Variants in LIMA1 observed in about 807,000 individuals in gnomAD.
LIMA1 encodes LIM domain and actin-binding protein 1.
LIMA1 carries 52 observed loss-of-function variants against 62.6 expected under a neutral mutation model. The observed-to-expected ratio is 0.83, with a 90% CI of 0.67 to 1.05. The LOEUF (loss-of-function observed/expected upper bound fraction) is 1.05, where lower values mean the gene tolerates loss of function less well. LIMA1 is among the 50% of genes least tolerant of loss of function. The pLI is 0.00. For synonymous variants in LIMA1, 302 were observed against 317.8 expected (o/e 0.95, Z 0.53); for missense variants, 780 against 902.2 (o/e 0.86, Z 1.74).
At chr12:50,226,074 T>C (rs1941523549) in intron 3 of LIMA1, among the ~76,000 whole-genome samples, 1 of 152,152 alleles carries the variant, frequency 6.6e-6, no homozygotes. Flanking sequence ...TGAGACAGGT[T>C]CTTGCTCTAT....
At chr12:50,203,792 T>C (rs917526074) in intron 6 of LIMA1, among the ~76,000 whole-genome samples, 4 of 152,200 alleles carry the variant, frequency 2.6e-5, no homozygotes, top group African/African-American at 9.6e-5. Flanking sequence ...ATTCTACTTC[T>C]TTAGGAAAAC....
rs73106172 is a variant in LIMA1, at chr12:50,223,468, G to A, written c.166-983C>T. Among the ~76,000 whole-genome samples the A allele has an allele frequency of 2.1e-4, 31 of 147,870 alleles. 1 individual carries two copies. Among genetic ancestry groups the A allele is most frequent in the Non-Finnish European group, 2.4e-4 (16 of 67,374 alleles). ...ACTACACTCCAGCCTGGGTGACAAAGTGAGACGCCATCCCCCAACCAAAAA... is the reference window on the plus strand; with the variant it reads ...ACTACACTCCAGCCTGGGTGACAAAATGAGACGCCATCCCCCAACCAAAAA... On this transcript the variant is annotated intron_variant, in intron 3 of 10. Transcript: ENST00000341247.
intron 7 of LIMA1, among the ~76,000 whole-genome samples, chr12:50,199,966 C>G (rs1941009594): frequency 6.6e-6 from 1 of 151,766 alleles, no homozygotes; most frequent in Non-Finnish European, 1.5e-5. Context: ...TGACCTCAGC[C>G]CACTGCAACA....
At chr12:50,246,018 G>A (rs1941843806) in intron 2 of LIMA1, among the ~76,000 whole-genome samples, 1 of 152,018 alleles carries the variant, frequency 6.6e-6, no homozygotes, top group African/African-American at 2.4e-5. Context: ...CAGATCATGA[G>A]GTCAGGAGTT....
chr12:50,222,733 A>G, intron 3 of LIMA1: 3 of 1,345,650 alleles, frequency 2.2e-6, no homozygotes, highest in Non-Finnish European at 1.9e-6. Flanking sequence ...CCTTATAAGG[A>G]CAAAATGAGA....
chr12:50,251,413 G>T lies in LIMA1; in HGVS notation c.-23-2639C>A, dbSNP rs527628837. On this transcript the variant is annotated intron_variant, in intron 1 of 10. Coordinates refer to ENST00000341247, the MANE Select transcript of LIMA1 (RefSeq NM_016357.5). The stretch of plus-strand genomic sequence containing the variant: ...AGGCAGGCAGATCACTTGAGGTCAG[G>T]TGTCCAAGACCAGCCTGACCAACAT... Among the ~76,000 whole-genome samples, 5 of 152,188 alleles carry T rather than the reference G, an allele frequency of 3.3e-5. 2 individuals carry two copies. In the South Asian group the frequency reaches 1.0e-3, roughly 32 times the overall value.
rs1941129232 is a variant in LIMA1 at position 50,205,226 on chromosome 12, C to A, written c.716-526G>T. On this transcript the variant is annotated intron_variant, in intron 5 of 10. Coordinates refer to ENST00000341247, the MANE Select transcript of LIMA1 (RefSeq NM_016357.5). ...CCAAGTAGCAGTGACTTCAAGGATGCACCACCACGCTGGGCTTTTTTTTTT... is the reference window on the plus strand; with the variant it reads ...CCAAGTAGCAGTGACTTCAAGGATGAACCACCACGCTGGGCTTTTTTTTTT... Among the ~76,000 whole-genome samples the A allele has an allele frequency of 1.4e-5, 2 of 138,800 alleles. 1 individual carries two copies. The highest frequency in any genetic ancestry group is 4.9e-4 in the South Asian group (2 of 4,062). 91.1% of individuals were successfully genotyped at this position (138,800 alleles called of 152,430 possible). A position where few individuals can be genotyped will look rare whatever the true frequency, so the allele number is the denominator to read the frequency against.
At chr12:50,201,476 C>A in intron 6 of LIMA1, 1 of 981,840 alleles carries the variant, frequency 1.0e-6, no homozygotes, top group South Asian at 4.7e-5. Flanking sequence ...TATTTTACTT[C>A]TCAAAACAGA....
chr12:50,258,209 T>C (rs1447242575), intron 1 of LIMA1, among the ~76,000 whole-genome samples: 3 of 152,186 alleles, frequency 2.0e-5, no homozygotes, highest in African/African-American at 7.2e-5. Context: ...TTATGCTCAT[T>C]GCCACTGAGA....
rs774691948 is a variant in LIMA1 at position 50,206,004 on chromosome 12, T to C, written c.695A>G (p.Asp232Gly). The change falls in exon 5 of 11, where the codon GAT becomes GGT. Residue 232 changes from aspartate to glycine, a missense_variant. Asp to Gly is a moderately conservative substitution (Grantham distance 94). Coordinates refer to ENST00000341247, the MANE Select transcript of LIMA1 (RefSeq NM_016357.5). ...RKISENSYSLDDLEIGPGQLS... is the reference protein window; with the variant it reads ...RKISENSYSLGDLEIGPGQLS... ...CTTACCTGGGCCTATTTCCAGGTCA[T>C]CTAGAGAATAGCTGTTTTCAGAGAT... 2 of 1,612,310 alleles carry C rather than the reference T, an allele frequency of 1.2e-6. No individual in the cohort carries two copies. Among genetic ancestry groups the C allele is most frequent in the South Asian group, 1.1e-5 (1 of 90,888 alleles).
chr12:50,193,507 G>GTATA (rs1253335896), intron 8 of LIMA1, among the ~76,000 whole-genome samples: 1 of 119,376 alleles, frequency 8.4e-6, no homozygotes, highest in Non-Finnish European at 1.7e-5. Context: ...TCATATATGT[G>GTATA]TATATATGAT....
intron 7 of LIMA1, among the ~76,000 whole-genome samples, chr12:50,200,022 T>C (rs1941011030): frequency 1.3e-5 from 2 of 151,092 alleles, no homozygotes; most frequent in Admixed American, 1.3e-4. Context: ...GCCTCCTGAG[T>C]ATCTGGGATT....
At position 50,177,226 on chromosome 12, in the gene LIMA1, A is replaced by G. The variant is rs1940360755; in HGVS notation, c.2118T>C (p.Asn706=). The G allele has an allele frequency of 3.7e-6, 6 of 1,614,120 alleles. No individual in the cohort carries two copies. Among genetic ancestry groups the G allele is most frequent in the Non-Finnish European group, 4.2e-6 (5 of 1,180,002 alleles). ...QQSPQEPKSL[N]WSSFVDNTFA... is the part of the protein sequence containing the mutation. ...AGGTGTTGTCTACAAAACTCGACCA[A>G]TTCAGAGACTTGGGTTCTTGTGGAG... Residue 706 remains asparagine (N), a synonymous_variant, in exon 11 of 11, where the codon AAT becomes AAC. Transcript: ENST00000341247.
intron 9 of LIMA1, chr12:50,186,312 C>T (rs942406472): frequency 1.3e-5 from 2 of 152,056 alleles, no homozygotes; most frequent in Non-Finnish European, 2.9e-5. Context: ...CCATTTTGCC[C>T]CTACCAAGTA....
In LIMA1 at chr12:50,248,745, A is replaced by C; in HGVS notation, c.7T>G (p.Ser3Ala). 1 of 1,578,000 alleles carries C rather than the reference A, an allele frequency of 6.3e-7. No individual in the cohort carries two copies. The highest frequency in any genetic ancestry group is 8.7e-7 in the Non-Finnish European group (1 of 1,147,140). Residue 3 changes from serine (S) to alanine (A), a missense_variant, in exon 2 of 11, where the codon TCA becomes GCA. Transcript: ENST00000341247. ME[S>A]SPFNRRQWTS... is the part of the protein sequence containing the mutation. ...CATTGCCGTCTATTAAATGGAGATG[A>C]TTCCATCTTGTCTACAGACACTGAA...
At chr12:50,280,378 T>C (rs894285160) in intron 1 of LIMA1, among the ~76,000 whole-genome samples, 2 of 151,982 alleles carry the variant, frequency 1.3e-5, no homozygotes, top group Non-Finnish European at 2.9e-5. Flanking sequence ...TAGGATGGTC[T>C]CGATCTCCTG....
chr12:50,240,217 G>A (rs933486548), intron 2 of LIMA1, among the ~76,000 whole-genome samples: 1 of 152,106 alleles, frequency 6.6e-6, no homozygotes, highest in African/African-American at 2.4e-5. Flanking sequence ...GCAAGAAAGT[G>A]TCTCATGTAT....
intron 1 of LIMA1, among the ~76,000 whole-genome samples, chr12:50,275,246 A>G (rs892401583): frequency 6.6e-6 from 1 of 151,866 alleles, no homozygotes; most frequent in Non-Finnish European, 1.5e-5. Flanking sequence ...GCGTGCCTGT[A>G]GTCCCAGCTA....
Position 50,177,292 on chromosome 12 carries a change from T to C in LIMA1, c.2052A>G (p.Ala684=), listed in dbSNP as rs1399896977. ...MENENLVENG[A]DSDEDDNSFL... is the part of the protein sequence containing the mutation. ...AGCTGTTATCATCTTCATCGGAGTCTGCACCATTTTCTACAAGATTCTCAT... is the reference window on the plus strand; with the variant it reads ...AGCTGTTATCATCTTCATCGGAGTCCGCACCATTTTCTACAAGATTCTCAT... The change falls in exon 11 of 11, where the codon GCA becomes GCG. Residue 684 remains alanine (A), a synonymous_variant. Transcript: ENST00000341247. 2 of 1,614,222 alleles carry C rather than the reference T, an allele frequency of 1.2e-6. No homozygotes were observed. Among genetic ancestry groups the C allele is most frequent in the Non-Finnish European group, 1.7e-6 (2 of 1,180,018 alleles).
Sources: gnomAD v4.1 joint callset for allele counts (sites outside exome capture counted in the v4.1 genomes callset) on GRCh38, gnomAD v4.1.1 for gene constraint, MANE v1.5 for transcripts, NCBI Gene and HGNC (gene_info 2026-07-23, HGNC 2026-07-21) for gene names.